The following GLDC variants were observed in gnomAD, a reference collection of about 807,000 sequenced individuals.
GLDC encodes the protein glycine dehydrogenase (decarboxylating), mitochondrial.
In GLDC, 104 loss-of-function variants were observed where a neutral mutation model predicts 121.3. That is an observed-to-expected ratio of 0.86 (90% CI 0.73 to 1.01). GLDC has a LOEUF of 1.01. GLDC is among the 50% of genes least tolerant of loss of function. GLDC has a pLI of 0.00. For missense variants in GLDC, 1,429 were observed against 1,306.6 expected (o/e 1.09, Z -1.44); for synonymous variants, 546 against 480.6 (o/e 1.14, Z -1.78).
intron 21 of GLDC, among the ~76,000 whole-genome samples, chr9:6,543,020 A>C (rs1334342772): frequency 2.6e-5 from 4 of 151,776 alleles, no homozygotes; most frequent in African/African-American, 9.7e-5. Context: ...TTTATCAACT[A>C]TTAATACCAG....
Position 6,535,523 on chromosome 9 carries a change from C to T in GLDC, c.2838+541G>A, listed in dbSNP as rs548174736. 1.4e-4 allele frequency among the ~76,000 whole-genome samples: 21 copies of T among 152,044 alleles called. 1 individual carries two copies. The highest frequency in any genetic ancestry group is 3.3e-4 in the Admixed American group (5 of 15,246). On this transcript the variant is annotated intron_variant, in intron 23 of 24. Transcript: ENST00000321612. ...TACAGCCATGAAGACACAACCACAG[C>T]CTTCATGGTATTCTCCACTCCTGAT... is the stretch of plus-strand genomic sequence containing the variant.
intron 15 of GLDC, among the ~76,000 whole-genome samples, chr9:6,566,702 G>A (rs988546722): frequency 5.9e-5 from 9 of 152,304 alleles, no homozygotes; most frequent in African/African-American, 1.2e-4. Flanking sequence ...AGTAATAGAT[G>A]TATCAGTCCC....
chr9:6,639,668 A>AAATATATATATATATATATATAT lies in GLDC; in HGVS notation c.334+4945_334+4946insATATATATATATATATATATATT. 6.8e-5 allele frequency: 17 copies of AAATATATATATATATATATATAT among 250,560 alleles called. No individual in the cohort carries two copies. In the East Asian group the frequency reaches 1.3e-3, roughly 19 times the overall value. The allele number at this position is 250,560 out of a possible 1,614,324, so 15.5% of individuals were successfully genotyped here. Reference sequence around the variant, plus strand: ...ATATATCTTTTCACCATAAAAAAAAAGTATATATATATATATATATGGACA... The same window carrying AAATATATATATATATATATATAT: ...ATATATCTTTTCACCATAAAAAAAAAAATATATATATATATATATATATGTATATATATATATATATATGGACA... On this transcript the variant is annotated intron_variant, in intron 2 of 24. Transcript: ENST00000321612.
Position 6,611,547 on chromosome 9 carries a change from C to A in GLDC, c.471-1191G>T, listed in dbSNP as rs536556792. ...CTCCAGCCTGGGCAACAGAGCAAGA[C>A]TCCGTCTCAAAAAAAAAAAAAAAAT... is the stretch of plus-strand genomic sequence containing the variant. On this transcript the variant is annotated intron_variant, in intron 3 of 24. Coordinates refer to ENST00000321612, the MANE Select transcript of GLDC (RefSeq NM_000170.3). Among the ~76,000 whole-genome samples the A allele has an allele frequency of 5.0e-3, 572 of 113,696 alleles. 6 individuals are homozygous for A. The highest frequency in any genetic ancestry group is 0.015 in the African/African-American group (535 of 34,694). 74.6% of individuals were successfully genotyped at this position (113,696 alleles called of 152,430 possible). A position where few individuals can be genotyped will look rare whatever the true frequency, so the allele number is the denominator to read the frequency against.
chr9:6,639,564 C>A, intron 2 of GLDC: 2 of 766,870 alleles, frequency 2.6e-6, no homozygotes, highest in South Asian at 2.7e-5. Context: ...TCGACTGGCT[C>A]CTGATTATGA....
At chr9:6,576,989 T>C (rs991153094) in intron 15 of GLDC, among the ~76,000 whole-genome samples, 8 of 152,222 alleles carry the variant, frequency 5.3e-5, no homozygotes, top group Non-Finnish European at 1.2e-4. Flanking sequence ...CTTGAGCTGA[T>C]GAATTCTCTC....
intron 2 of GLDC, among the ~76,000 whole-genome samples, chr9:6,635,765 C>T (rs1033325450): frequency 1.3e-5 from 2 of 151,950 alleles, no homozygotes; most frequent in African/African-American, 4.8e-5. Context: ...GTCTAAGCTA[C>T]TTGGAAGGCT....
intron 24 of GLDC, among the ~76,000 whole-genome samples, chr9:6,533,774 C>T (rs1817050638): frequency 6.6e-6 from 1 of 151,242 alleles, no homozygotes; most frequent in African/African-American, 2.4e-5. Flanking sequence ...AGGAGAATCG[C>T]TTTAACCTGG....
chr9:6,554,794 C>G lies in GLDC; in HGVS notation c.2203-13G>C. 6.2e-7 allele frequency: 1 copy of G among 1,601,236 alleles called. No individual in the cohort carries two copies. Among genetic ancestry groups the G allele is most frequent in the Middle Eastern group, 1.7e-4 (1 of 6,046 alleles). ...GACAGATTCCCACCTACCACAAAGG[C>G]AAGGGCCAAAAGCAAAAGTCAAGAG... On this transcript the variant is annotated splice_polypyrimidine_tract_variant and intron_variant, in intron 18 of 24. Coordinates refer to ENST00000321612, the MANE Select transcript of GLDC (RefSeq NM_000170.3).
chr9:6,620,733 A>C (rs1819075393), intron 2 of GLDC, among the ~76,000 whole-genome samples: 1 of 152,232 alleles, frequency 6.6e-6, no homozygotes, highest in African/African-American at 2.4e-5. Flanking sequence ...AAGTAGGCAC[A>C]GCTTCAGTCT....
intron 5 of GLDC, among the ~76,000 whole-genome samples, chr9:6,606,304 CGTCTCAAAAA>C (rs1818730757): frequency 8.4e-6 from 1 of 118,952 alleles, no homozygotes; most frequent in South Asian, 2.6e-4. Context: ...AGCGAGACTC[CGTCTCAAAAA>C]AAAAAAAAAA....
intron 18 of GLDC, among the ~76,000 whole-genome samples, chr9:6,555,128 T>C (rs529337742): frequency 2.0e-5 from 3 of 152,348 alleles, no homozygotes; most frequent in East Asian, 3.9e-4. Context: ...CTCCATGTTG[T>C]TGAAATAGGC....
At chr9:6,601,291 C>T (rs1818605473) in intron 8 of GLDC, among the ~76,000 whole-genome samples, 1 of 152,216 alleles carries the variant, frequency 6.6e-6, no homozygotes, top group South Asian at 2.1e-4. Flanking sequence ...TCAACCCATT[C>T]CTGGAGAGGC....
At position 6,620,044 on chromosome 9, in the gene GLDC, G is replaced by C. The variant is rs532552831; in HGVS notation, c.470+140C>G. On this transcript the variant is annotated intron_variant, in intron 3 of 24. Transcript: ENST00000321612. ...AACATTTCTCGATCCAGAGAAACCCGGTAGGTTCCCGGACATTGGAGACAG... is the reference window on the plus strand; with the variant it reads ...AACATTTCTCGATCCAGAGAAACCCCGTAGGTTCCCGGACATTGGAGACAG... The C allele has an allele frequency of 1.6e-5, 13 of 816,230 alleles. No individual in the cohort carries two copies. In the East Asian group the frequency reaches 2.0e-4, roughly 12 times the overall value. 50.6% of individuals were successfully genotyped at this position (816,230 alleles called of 1,614,324 possible). A position where few individuals can be genotyped will look rare whatever the true frequency, so the allele number is the denominator to read the frequency against.
At position 6,602,113 on chromosome 9, in the gene GLDC, G is replaced by T; in HGVS notation, c.1151C>A (p.Ala384Asp). The T allele has an allele frequency of 6.3e-7, 1 of 1,592,958 alleles. No individual in the cohort carries two copies. Among genetic ancestry groups the T allele is most frequent in the Non-Finnish European group, 8.6e-7 (1 of 1,160,806 alleles). Residue 384 changes from alanine (A) to aspartate (D), a missense_variant, in exon 8 of 25, where the codon GCT becomes GAT. Physicochemically the swap from Ala to Asp is moderately radical, Grantham distance 126 (BLOSUM62 -2). Transcript: ENST00000321612. ...CAGGTCAGACGTGTGATTTACCTGA[G>T]CTGTACAGATGTTGCTGGTAGCCTT... ...RDKATSNICT[A>D]QALLANMAAM...
rs1363760657 is a variant in GLDC, at chr9:6,587,278, G to T, written c.1713C>A (p.Ile571=). 1.2e-6 allele frequency: 2 copies of T among 1,612,580 alleles called. No individual in the cohort carries two copies. The highest frequency in any genetic ancestry group is 1.7e-6 in the Non-Finnish European group (2 of 1,178,772). ...GGATGTTTGCAAATTCTTTCCATGT[G>T]ATAGGCTGAAAAGAAAGAAAACAAA... ...KLNSSSELAP[I]TWKEFANIHP... The change falls in exon 15 of 25, where the codon ATC becomes ATA. Residue 571 remains isoleucine (I), a synonymous_variant. Coordinates refer to ENST00000321612, the MANE Select transcript of GLDC (RefSeq NM_000170.3).
At chr9:6,607,442 G>C (rs543453743) in intron 4 of GLDC, among the ~76,000 whole-genome samples, 2 of 151,808 alleles carry the variant, frequency 1.3e-5, no homozygotes, top group African/African-American at 4.8e-5. Flanking sequence ...ACGTAGCCAG[G>C]CATGGTGGTG....
At chr9:6,547,166 G>T (rs143783793) in intron 21 of GLDC, among the ~76,000 whole-genome samples, 1 of 152,016 alleles carries the variant, frequency 6.6e-6, no homozygotes, top group African/African-American at 2.4e-5. Context: ...AAAATTAAAC[G>T]TGAGGAAGTT....
At chr9:6,601,450 CT>C (rs1416912307) in intron 8 of GLDC, among the ~76,000 whole-genome samples, 7 of 152,096 alleles carry the variant, frequency 4.6e-5, no homozygotes, top group African/African-American at 1.7e-4. Flanking sequence ...CTTTTTTGTC[CT>C]TTCTTACGCT....
Sources: gnomAD v4.1 joint callset for allele counts (sites outside exome capture counted in the v4.1 genomes callset) on GRCh38, gnomAD v4.1.1 for gene constraint, MANE v1.5 for transcripts, NCBI Gene and HGNC (gene_info 2026-07-23, HGNC 2026-07-21) for gene names.